Variants in PAQR9 observed in about 807,000 individuals in gnomAD.
PAQR9 encodes membrane progestin receptor epsilon.
In PAQR9, 12 loss-of-function variants were observed where a neutral mutation model predicts 24.0. That is an observed-to-expected ratio of 0.50 (90% CI 0.32 to 0.81). The LOEUF is 0.81. Ranked by LOEUF, PAQR9 falls within the 30% of genes least tolerant of loss-of-function variation. The pLI, the probability that PAQR9 is intolerant of heterozygous loss-of-function variation, is 0.03. For synonymous variants in PAQR9, 266 were observed against 237.6 expected, an observed-to-expected ratio of 1.12 and a Z score of -1.10; for missense variants, 418 against 520.8, an observed-to-expected ratio of 0.80 and a Z score of 1.92.
downstream of PAQR9, chr3:142,951,799 A>G (rs1455549425): frequency 6.6e-6 from 3 of 456,626 alleles, no homozygotes; most frequent in Non-Finnish European, 1.3e-5. Flanking sequence ...GAAAGTCAGC[A>G]GAGGAGACTG....
Position 142,963,407 on chromosome 3 carries a change from C to A in PAQR9, c.-71G>T. 2 of 1,075,372 alleles carry A rather than the reference C, an allele frequency of 1.9e-6. No individual in the cohort carries two copies. The highest frequency in any genetic ancestry group is 2.2e-6 in the Non-Finnish European group (2 of 890,518). 66.6% of individuals were successfully genotyped at this position (1,075,372 alleles called of 1,614,324 possible). ...CGGCTCCCGGGCGCTGGGCAGCCCC[C>A]GCCGGCCGCCGTCGGAGCCTTTGTG... is the stretch of plus-strand genomic sequence containing the variant. On this transcript the variant is annotated 5_prime_UTR_variant, in exon 1 of 1. Coordinates refer to ENST00000340634, the MANE Select transcript of PAQR9 (RefSeq NM_198504.4).
downstream of PAQR9, among the ~76,000 whole-genome samples, chr3:142,953,124 G>A (rs137926748): frequency 5.3e-4 from 81 of 152,240 alleles, no homozygotes; most frequent in African/African-American, 1.8e-3. Context: ...GATGGCTGCC[G>A]TATACTGGTG....
rs1560160195 is a variant in PAQR9, at chr3:142,963,084, G to GCGAGA, written c.252_253insTCTCG (p.Leu85SerfsTer16). 1.1e-5 allele frequency: 17 copies of GCGAGA among 1,614,144 alleles called. No homozygotes were observed. Among genetic ancestry groups the GCGAGA allele is most frequent in the Non-Finnish European group, 1.4e-5 (16 of 1,180,000 alleles). On this transcript the variant is annotated frameshift_variant, in exon 1 of 1. Coordinates refer to ENST00000340634, the MANE Select transcript of PAQR9 (RefSeq NM_198504.4). LOFTEE classifies it high-confidence loss of function. ...GGGATGAAGTGCGTCCAGAAGTTGA[G>GCGAGA]CGTCTCGTTGGTAGGCTTCAGCACC... is the stretch of plus-strand genomic sequence containing the variant.
chr3:142,957,876 T>C lies in PAQR9; in HGVS notation c.*4327A>G, dbSNP rs994829891. Among the ~76,000 whole-genome samples, 18 of 152,218 alleles carry C rather than the reference T, an allele frequency of 1.2e-4. No individual in the cohort carries two copies. The highest frequency in any genetic ancestry group is 2.1e-4 in the Non-Finnish European group (14 of 68,022). On this transcript the variant is annotated 3_prime_UTR_variant, in exon 1 of 1. Coordinates refer to ENST00000340634, the MANE Select transcript of PAQR9 (RefSeq NM_198504.4). ...GTCAGCATGTGAATAGAAATAAGAT[T>C]CTATGGATTGCACTTATGCTAGCAA...
At chr3:142,963,727 T>G (rs1578083355), upstream of PAQR9, 5 of 798,336 alleles carry the variant, frequency 6.3e-6, no homozygotes, top group Non-Finnish European at 7.6e-6. Context: ...GAGCGGGAGG[T>G]GGGGATGTGC....
At position 142,963,003 on chromosome 3, in the gene PAQR9, C is replaced by A. The variant is rs911457348; in HGVS notation, c.334G>T (p.Val112Leu). 1 of 1,614,074 alleles carries A rather than the reference C, an allele frequency of 6.2e-7. No individual in the cohort carries two copies. The highest frequency in any genetic ancestry group is 2.2e-5 in the East Asian group (1 of 44,876). Residue 112 changes from valine to leucine, a missense_variant, in exon 1 of 1, where the codon GTG becomes TTG. Around this residue, in one of 3 missense-constraint regions of PAQR9, gnomAD observed 180 missense variants for 190.3 expected, o/e 0.95. Coordinates refer to ENST00000340634, the MANE Select transcript of PAQR9 (RefSeq NM_198504.4). ...CRLFFLSGGDVPFHHPWLLPL... is the reference protein window; with the variant it reads ...CRLFFLSGGDLPFHHPWLLPL... ...AGCAGCCACGGGTGGTGGAAGGGCA[C>A]GTCGCCGCCGCTCAGGAAGAACAGA...
chr3:142,962,523 TG>T lies in PAQR9; in HGVS notation c.813del (p.Thr272HisfsTer21), dbSNP rs1934919617. The T allele has an allele frequency of 1.2e-6, 2 of 1,613,216 alleles. No homozygotes were observed. The highest frequency in any genetic ancestry group is 1.7e-6 in the Non-Finnish European group (2 of 1,179,718). ...SWLFDLRGEN[P>X]TLFVHFYRRY... ...CGGCGGTAGAAGTGCACGAAGAGTG[TG>T]GGGTTCTCCCCACGCAGGTCGAAGA... is the stretch of plus-strand genomic sequence containing the variant. On this transcript the variant is annotated frameshift_variant, in exon 1 of 1. Coordinates refer to ENST00000340634, the MANE Select transcript of PAQR9 (RefSeq NM_198504.4). LOFTEE classifies it high-confidence loss of function.
chr3:142,952,050 G>T (rs550898985), downstream of PAQR9, among the ~76,000 whole-genome samples: 113 of 149,812 alleles, frequency 7.5e-4, 1 homozygote, highest in Non-Finnish European at 1.1e-3. Context: ...AAAAAGAAGG[G>T]GGGGGGGTGT....
At chr3:142,952,537 A>G (rs542439032), downstream of PAQR9, among the ~76,000 whole-genome samples, 17 of 152,328 alleles carry the variant, frequency 1.1e-4, no homozygotes, top group African/African-American at 3.4e-4. Flanking sequence ...CAAGGCATAA[A>G]TATAACTTAA....
downstream of PAQR9, chr3:142,951,820 G>A (rs1408041717): frequency 2.2e-6 from 1 of 455,094 alleles, no homozygotes; most frequent in African/African-American, 2.0e-5. Context: ...TAAAAGAGTA[G>A]TACAAAAGTC....
chr3:142,962,206 C>T lies in PAQR9; in HGVS notation c.1131G>A (p.Lys377=). ...FLNSSEFCSK[K] is the part of the protein sequence containing the mutation. ...TAGTCTCCTCCAAGGCGGAGGCTCA[C>T]TTTTTACTGCAGAATTCGGAGCTGT... Residue 377 remains lysine (K), a synonymous_variant, in exon 1 of 1, where the codon AAG becomes AAA. Transcript: ENST00000340634. 2.5e-6 allele frequency: 4 copies of T among 1,613,306 alleles called. No homozygotes were observed. The highest frequency in any genetic ancestry group is 3.4e-6 in the Non-Finnish European group (4 of 1,179,982).
rs1934882090 is a variant in PAQR9 at position 142,961,158 on chromosome 3, A to AT, written c.*1044dup. 6.5e-6 allele frequency: 1 copy of AT among 152,692 alleles called. No homozygotes were observed. Among genetic ancestry groups the AT allele is most frequent in the African/African-American group, 2.4e-5 (1 of 41,550 alleles). 9.5% of individuals were successfully genotyped at this position (152,692 alleles called of 1,614,324 possible). A position where few individuals can be genotyped will look rare whatever the true frequency, so the allele number is the denominator to read the frequency against. ...CTCCTGGATGGACCATGAAACCTTG[A>AT]TTTTCAGTCAGGTAAGAAAAGCTTA... On this transcript the variant is annotated 3_prime_UTR_variant, in exon 1 of 1. Coordinates refer to ENST00000340634, the MANE Select transcript of PAQR9 (RefSeq NM_198504.4).
chr3:142,963,627 AGCGGCGGCGGCGCGGCTGACTGCG>A lies in PAQR9; in HGVS notation c.-315_-292del. 1 of 707,854 alleles carries A rather than the reference AGCGGCGGCGGCGCGGCTGACTGCG, an allele frequency of 1.4e-6. No homozygotes were observed. Among genetic ancestry groups the A allele is most frequent in the Non-Finnish European group, 1.7e-6 (1 of 578,680 alleles). The allele number at this position is 707,854 out of a possible 1,614,324, so 43.8% of individuals were successfully genotyped here. A position where few individuals can be genotyped will look rare whatever the true frequency, so the allele number is the denominator to read the frequency against. On this transcript the variant is annotated 5_prime_UTR_variant, in exon 1 of 1. Coordinates refer to ENST00000340634, the MANE Select transcript of PAQR9 (RefSeq NM_198504.4). Reference sequence around the variant, plus strand: ...GGCGCGCGGCCGCCCGCGCTGCGGCAGCGGCGGCGGCGCGGCTGACTGCGGCGGCAGCGCGGCAGCGGTGACTGG... The same window carrying A: ...GGCGCGCGGCCGCCCGCGCTGCGGCAGCGGCAGCGCGGCAGCGGTGACTGG...
In PAQR9 at chr3:142,962,497, G is replaced by C; in HGVS notation, c.840C>G (p.Arg280=). Residue 280 remains arginine, a synonymous_variant, in exon 1 of 1, where the codon CGC becomes CGG. Coordinates refer to ENST00000340634, the MANE Select transcript of PAQR9 (RefSeq NM_198504.4). Reference sequence around the variant, plus strand: ...AGGCGGCCACCACCAGCCAGAAGTAGCGGCGGTAGAAGTGCACGAAGAGTG... The same window carrying C: ...AGGCGGCCACCACCAGCCAGAAGTACCGGCGGTAGAAGTGCACGAAGAGTG... ...NPTLFVHFYR[R]YFWLVVAAFF... The C allele has an allele frequency of 6.2e-7, 1 of 1,612,476 alleles. No homozygotes were observed. Among genetic ancestry groups the C allele is most frequent in the South Asian group, 1.1e-5 (1 of 91,002 alleles).
At chr3:142,963,912 G>T, upstream of PAQR9, 2 of 984,312 alleles carry the variant, frequency 2.0e-6, no homozygotes, top group Non-Finnish European at 2.4e-6. Flanking sequence ...TGCGGGGGCC[G>T]CAGGCTGGTC....
At chr3:142,953,395 A>G (rs371286679), downstream of PAQR9, among the ~76,000 whole-genome samples, 20 of 152,262 alleles carry the variant, frequency 1.3e-4, no homozygotes, top group African/African-American at 4.3e-4. Context: ...TAAAAGTTGT[A>G]TTACATTAAG....
At position 142,960,274 on chromosome 3, in the gene PAQR9, CATAAACAAAACCAGCA is replaced by C. The variant is rs1197555048; in HGVS notation, c.*1913_*1928del. 6.6e-6 allele frequency: 1 copy of C among 152,210 alleles called. No homozygotes were observed. The highest frequency in any genetic ancestry group is 1.5e-5 in the Non-Finnish European group (1 of 68,040). 9.4% of individuals were successfully genotyped at this position (152,210 alleles called of 1,614,324 possible). On this transcript the variant is annotated 3_prime_UTR_variant, in exon 1 of 1. Transcript: ENST00000340634. The stretch of plus-strand genomic sequence containing the variant: ...CTGTTTACAGAGAAGTGATTAAAAG[CATAAACAAAACCAGCA>C]ATTGTTTTAGAAGTGCCAGCCTACC...
rs936576936 is a variant in PAQR9 at position 142,958,711 on chromosome 3, A to G, written c.*3492T>C. Reference sequence around the variant, plus strand: ...CAAGCACTTACAAGCTGGATTTATGAATGGAAACATATGAAGGCCACTCTG... The same window carrying G: ...CAAGCACTTACAAGCTGGATTTATGGATGGAAACATATGAAGGCCACTCTG... On this transcript the variant is annotated 3_prime_UTR_variant, in exon 1 of 1. Transcript: ENST00000340634. 6.6e-6 allele frequency among the ~76,000 whole-genome samples: 1 copy of G among 152,218 alleles called. No homozygotes were observed. The highest frequency in any genetic ancestry group is 1.5e-5 in the Non-Finnish European group (1 of 68,036).
Position 142,959,453 on chromosome 3 carries a change from A to G in PAQR9, c.*2750T>C, listed in dbSNP as rs776458666. 6.6e-6 allele frequency among the ~76,000 whole-genome samples: 1 copy of G among 152,218 alleles called. No individual in the cohort carries two copies. The highest frequency in any genetic ancestry group is 1.9e-4 in the East Asian group (1 of 5,204). ...TGAAGTGAAGCCAAACCAGTTTTCA[A>G]CTAGAATGTCCTCTTGTCATTATTA... On this transcript the variant is annotated 3_prime_UTR_variant, in exon 1 of 1. Transcript: ENST00000340634.
Sources: allele counts gnomAD v4.1 joint callset (sites outside exome capture counted in the v4.1 genomes callset), GRCh38; gene constraint gnomAD v4.1.1; regional missense constraint gnomAD v4.1.1; transcripts MANE v1.5; gene names NCBI Gene and HGNC (gene_info 2026-07-23, HGNC 2026-07-21).